Variants in MIPEP observed in about 807,000 individuals in gnomAD.
MIPEP encodes the protein mitochondrial intermediate peptidase.
In MIPEP, 79 loss-of-function variants were observed where a neutral mutation model predicts 90.3. That is an observed-to-expected ratio of 0.87 (90% CI 0.73 to 1.05). The LOEUF (loss-of-function observed/expected upper bound fraction) is 1.05, where lower values mean the gene tolerates loss of function less well. Among genes scored for constraint, MIPEP ranks in the 50% least tolerant of loss-of-function variants. The pLI, the probability that MIPEP is intolerant of heterozygous loss-of-function variation, is 0.00. For synonymous variants in MIPEP, 334 were observed against 315.8 expected (o/e 1.06, Z -0.61); for missense variants, 940 against 905.6 (o/e 1.04, Z -0.49).
In MIPEP at chr13:23,889,324, A is replaced by T; in HGVS notation, c.-4T>A. On this transcript the variant is annotated 5_prime_UTR_variant, in exon 1 of 19. Coordinates refer to ENST00000382172, the MANE Select transcript of MIPEP (RefSeq NM_005932.4). Reference sequence around the variant, plus strand: ...CCAGCCTTCCGACGCACAGCATTCTAGCACCAGAGCAGTCCCTTCCTCCAA... The same window carrying T: ...CCAGCCTTCCGACGCACAGCATTCTTGCACCAGAGCAGTCCCTTCCTCCAA... 1 of 1,334,856 alleles carries T rather than the reference A, an allele frequency of 7.5e-7. No homozygotes were observed. Among genetic ancestry groups the T allele is most frequent in the Non-Finnish European group, 9.6e-7 (1 of 1,041,810 alleles). 82.7% of individuals were successfully genotyped at this position (1,334,856 alleles called of 1,614,324 possible). A position where few individuals can be genotyped will look rare whatever the true frequency, so the allele number is the denominator to read the frequency against.
At chr13:23,889,065 G>A in intron 1 of MIPEP, 67 bp downstream of exon 1, 1 of 1,310,138 alleles carries the variant, frequency 7.6e-7, no homozygotes, top group Non-Finnish European at 9.8e-7. Flanking sequence ...CCTGATTGTT[G>A]CTGGCCGCGC....
intron 14 of MIPEP, among the ~76,000 whole-genome samples, chr13:23,834,837 A>G (rs1868953874): frequency 1.3e-5 from 2 of 151,920 alleles, no homozygotes; most frequent in Admixed American, 1.3e-4. Context: ...CCATAGATGG[A>G]TTATGCTATC....
intron 16 of MIPEP, among the ~76,000 whole-genome samples, chr13:23,786,562 AAATC>A (rs758068703): frequency 6.6e-6 from 1 of 152,222 alleles, no homozygotes; most frequent in Non-Finnish European, 1.5e-5. Flanking sequence ...ATTTTCATAA[AAATC>A]AATAGCAAAA....
chr13:23,888,024 C>T (rs1352386238), intron 1 of MIPEP: 1 of 400,938 alleles, frequency 2.5e-6, no homozygotes, highest in African/African-American at 2.1e-5. Context: ...TGCTAAAAAA[C>T]TGAATAAGGC....
intron 10 of MIPEP, among the ~76,000 whole-genome samples, chr13:23,851,071 C>T (rs571369986): frequency 1.4e-4 from 21 of 152,320 alleles, no homozygotes; most frequent in African/African-American, 4.8e-4. Flanking sequence ...CTTTTCCAAG[C>T]CTCTTTGAAT....
chr13:23,769,993 C>A (rs1952632097), intron 16 of MIPEP, among the ~76,000 whole-genome samples: 1 of 152,168 alleles, frequency 6.6e-6, no homozygotes, highest in Non-Finnish European at 1.5e-5. Context: ...TGCGGCGTCC[C>A]CACCAGCAGG....
chr13:23,818,748 GGTTAGA>G (rs1953272147), intron 14 of MIPEP, among the ~76,000 whole-genome samples: 1 of 152,148 alleles, frequency 6.6e-6, no homozygotes, highest in South Asian at 2.1e-4. Context: ...CCTCTAGTAA[GGTTAGA>G]GTTCATTATG....
chr13:23,795,655 T>C (rs1377155520), intron 16 of MIPEP, among the ~76,000 whole-genome samples: 2 of 152,202 alleles, frequency 1.3e-5, no homozygotes, highest in African/African-American at 2.4e-5. Flanking sequence ...TACGTGGTGC[T>C]ACACTTTTAT....
chr13:23,865,925 C>G (rs1318002980), intron 7 of MIPEP, among the ~76,000 whole-genome samples: 1 of 152,108 alleles, frequency 6.6e-6, no homozygotes, highest in Non-Finnish European at 1.5e-5. Context: ...CCTGCCTCAG[C>G]CTCCCAAAGT....
intron 16 of MIPEP, among the ~76,000 whole-genome samples, chr13:23,803,402 A>C (rs1953070160): frequency 6.6e-6 from 1 of 152,086 alleles, no homozygotes; most frequent in Admixed American, 6.5e-5. Context: ...AACACTATCA[A>C]AAAGAAAAAA....
chr13:23,748,521 G>T (rs146388964), intron 18 of MIPEP, among the ~76,000 whole-genome samples: 1 of 152,290 alleles, frequency 6.6e-6, no homozygotes, highest in Non-Finnish European at 1.5e-5. Flanking sequence ...CAGGGGAAAC[G>T]AAGAGACTCT....
chr13:23,805,847 A>T (rs993733372), intron 16 of MIPEP, 103 bp downstream of exon 16: 2 of 1,274,082 alleles, frequency 1.6e-6, no homozygotes, highest in African/African-American at 3.0e-5. Context: ...CTCAACATAA[A>T]TGTAGGGATT....
intron 14 of MIPEP, among the ~76,000 whole-genome samples, chr13:23,832,682 C>A (rs969446328): frequency 6.6e-6 from 1 of 152,134 alleles, no homozygotes; most frequent in Non-Finnish European, 1.5e-5. Flanking sequence ...CACAGCTCCA[C>A]TAAGGTAGCC....
chr13:23,836,539 C>T (rs893158520), intron 13 of MIPEP, among the ~76,000 whole-genome samples, 190 bp from the exon 14 acceptor site: 1 of 152,002 alleles, frequency 6.6e-6, no homozygotes, highest in Non-Finnish European at 1.5e-5. Flanking sequence ...TATATATTTT[C>T]CTTTATATCA....
chr13:23,842,053 A>G (rs758637051), intron 10 of MIPEP, among the ~76,000 whole-genome samples: 18 of 152,210 alleles, frequency 1.2e-4, no homozygotes, highest in Admixed American at 1.2e-3. Context: ...GTAACTAGTA[A>G]GGTGAATTAT....
At chr13:23,846,862 C>T (rs535268637) in intron 10 of MIPEP, among the ~76,000 whole-genome samples, 20 of 152,050 alleles carry the variant, frequency 1.3e-4, no homozygotes, top group Non-Finnish European at 2.5e-4. Context: ...TGGTAACTAA[C>T]ATTTGGTGAG....
At chr13:23,733,618 T>C (rs1231488510) in intron 18 of MIPEP, among the ~76,000 whole-genome samples, 3 of 152,106 alleles carry the variant, frequency 2.0e-5, no homozygotes, top group Non-Finnish European at 2.9e-5. Flanking sequence ...AGAAAGCACA[T>C]GGGGTGGGAA....
At chr13:23,747,766 G>C (rs9510840) in intron 18 of MIPEP, among the ~76,000 whole-genome samples, 4 of 151,964 alleles carry the variant, frequency 2.6e-5, no homozygotes, top group African/African-American at 9.7e-5. Context: ...GTTGAGACGG[G>C]GTCTCGCTCT....
chr13:23,762,178 T>A (rs187020655), intron 16 of MIPEP, among the ~76,000 whole-genome samples: 1 of 151,408 alleles, frequency 6.6e-6, no homozygotes, highest in East Asian at 1.9e-4. Context: ...AAAGCTTAAC[T>A]TTTTTTTTAA....
Sources: allele counts gnomAD v4.1 joint callset (sites outside exome capture counted in the v4.1 genomes callset), GRCh38; gene constraint gnomAD v4.1.1; transcripts MANE v1.5; gene names NCBI Gene and HGNC (gene_info 2026-07-23, HGNC 2026-07-21).